The following PLCB1 variants were observed in gnomAD, a reference collection of about 807,000 sequenced individuals.
PLCB1 encodes the protein phospholipase C beta 1.
A neutral mutation model predicts 161.8 loss-of-function variants in PLCB1; 46 were observed. That is an observed-to-expected ratio of 0.28 (90% CI 0.22 to 0.36). PLCB1 has a LOEUF of 0.36. Among genes scored for constraint, PLCB1 ranks in the 10% least tolerant of loss-of-function variants. The pLI, the probability that PLCB1 is intolerant of heterozygous loss-of-function variation, is 1.00. For synonymous variants in PLCB1, 517 were observed against 503.7 expected (o/e 1.03, Z -0.35); for missense variants, 1,016 against 1,472.5 (o/e 0.69, Z 5.07).
At chr20:8,788,749 A>C in intron 29 of PLCB1, 27 bp downstream of exon 29, 1 of 1,397,332 alleles carries the variant, frequency 7.2e-7, no homozygotes, top group Non-Finnish European at 1.0e-6. Context: ...CCCTCTCCCA[A>C]ACAGTTCATC....
intron 31 of PLCB1, among the ~76,000 whole-genome samples, chr20:8,867,544 T>G (rs1048846969): frequency 3.9e-5 from 6 of 152,200 alleles, no homozygotes; most frequent in African/African-American, 1.4e-4. Flanking sequence ...CCGGAGGGCT[T>G]TTATTGATTT....
intron 9 of PLCB1, 92 bp from the exon 10 acceptor site, chr20:8,684,839 CT>C: frequency 1.1e-6 from 1 of 920,698 alleles, no homozygotes; most frequent in Non-Finnish European, 1.7e-6. Flanking sequence ...ACCTTGGACA[CT>C]ACAAGATATT....
At chr20:8,600,132 G>A (rs1419535463) in intron 3 of PLCB1, among the ~76,000 whole-genome samples, 37 of 129,124 alleles carry the variant, frequency 2.9e-4, no homozygotes, top group East Asian at 6.9e-4. Flanking sequence ...GCTTTGTTCC[G>A]TTGCTGGTGA....
chr20:8,410,954 C>A (rs931171986), intron 3 of PLCB1, among the ~76,000 whole-genome samples: 1 of 152,192 alleles, frequency 6.6e-6, no homozygotes. Context: ...CTGAAAGAGG[C>A]AGGGACCTGA....
At chr20:8,314,751 T>C (rs1256844376) in intron 2 of PLCB1, among the ~76,000 whole-genome samples, 2 of 152,156 alleles carry the variant, frequency 1.3e-5, no homozygotes, top group African/African-American at 4.8e-5. Context: ...TAAGATACAA[T>C]GTAACTCCTC....
intron 31 of PLCB1, among the ~76,000 whole-genome samples, chr20:8,849,689 T>G (rs912133135): frequency 1.5e-5 from 2 of 136,942 alleles, no homozygotes; most frequent in East Asian, 4.6e-4. Context: ...AAAATAAAAT[T>G]AAATTAAAAA....
intron 3 of PLCB1, among the ~76,000 whole-genome samples, chr20:8,604,459 A>G (rs1487434115): frequency 6.6e-6 from 1 of 152,104 alleles, no homozygotes; most frequent in Non-Finnish European, 1.5e-5. Flanking sequence ...ATATGATATG[A>G]TGCATTCTAA....
intron 15 of PLCB1, among the ~76,000 whole-genome samples, chr20:8,723,735 TG>T: frequency 6.6e-6 from 1 of 152,132 alleles, no homozygotes; most frequent in East Asian, 1.9e-4. Context: ...TGCCCAAGGT[TG>T]CCCGGTTTCT....
At chr20:8,142,815 A>G (rs1163728948) in intron 1 of PLCB1, among the ~76,000 whole-genome samples, 2 of 152,168 alleles carry the variant, frequency 1.3e-5, no homozygotes, top group South Asian at 2.1e-4. Flanking sequence ...CACCTACACT[A>G]TTCTTTGTGT....
chr20:8,813,430 A>C (rs1984929023), intron 31 of PLCB1, among the ~76,000 whole-genome samples: 1 of 152,190 alleles, frequency 6.6e-6, no homozygotes, highest in Non-Finnish European at 1.5e-5. Context: ...AGAATATCTT[A>C]CTGAGACCAG....
intron 2 of PLCB1, among the ~76,000 whole-genome samples, chr20:8,342,833 G>T (rs1436184104): frequency 6.6e-6 from 1 of 152,186 alleles, no homozygotes; most frequent in African/African-American, 2.4e-5. Flanking sequence ...AGAAATGTCT[G>T]CATTTTTCTG....
chr20:8,843,830 T>C (rs1241561212), intron 31 of PLCB1, among the ~76,000 whole-genome samples: 2 of 152,216 alleles, frequency 1.3e-5, no homozygotes, highest in Non-Finnish European at 2.9e-5. Context: ...GATTTTCTTT[T>C]CCATATTTGG....
chr20:8,689,502 C>G (rs939760279), intron 10 of PLCB1, among the ~76,000 whole-genome samples: 5 of 152,108 alleles, frequency 3.3e-5, no homozygotes, highest in Admixed American at 2.0e-4. Flanking sequence ...GCTTTTAATT[C>G]ATTAAGGTGT....
At chr20:8,661,194 C>T (rs2123329454) in intron 9 of PLCB1, among the ~76,000 whole-genome samples, 1 of 152,136 alleles carries the variant, frequency 6.6e-6, no homozygotes, top group South Asian at 2.1e-4. Context: ...TCTGTTTTCC[C>T]CAGCACCTAG....
chr20:8,531,884 A>G (rs1984830861), intron 3 of PLCB1, among the ~76,000 whole-genome samples: 1 of 150,228 alleles, frequency 6.7e-6, no homozygotes, highest in South Asian at 2.1e-4. Flanking sequence ...AAGCAGAAAT[A>G]ATTTTGTTTC....
chr20:8,833,776 T>C (rs1653899321), intron 31 of PLCB1, among the ~76,000 whole-genome samples: 1 of 152,256 alleles, frequency 6.6e-6, no homozygotes, highest in Non-Finnish European at 1.5e-5. Context: ...ATATAGCCGC[T>C]GTAAAAAACT....
chr20:8,466,326 G>A (rs1981819426), intron 3 of PLCB1, among the ~76,000 whole-genome samples: 1 of 143,434 alleles, frequency 7.0e-6, no homozygotes. Flanking sequence ...GACTGTTGTG[G>A]GGTGGGGGAG....
intron 2 of PLCB1, among the ~76,000 whole-genome samples, chr20:8,324,677 TTCTC>T (rs1985073526): frequency 6.6e-6 from 1 of 152,198 alleles, no homozygotes; most frequent in Non-Finnish European, 1.5e-5. Flanking sequence ...ACCATTAATG[TTCTC>T]TCATTTTTTT....
chr20:8,140,805 AT>A (rs201733549), intron 1 of PLCB1, among the ~76,000 whole-genome samples: 46 of 147,914 alleles, frequency 3.1e-4, no homozygotes, highest in South Asian at 4.3e-4. Flanking sequence ...TTATTTTTTT[AT>A]TTTTTTTTTT....
Sources: gnomAD v4.1 joint callset for allele counts (sites outside exome capture counted in the v4.1 genomes callset) on GRCh38, gnomAD v4.1.1 for gene constraint, MANE v1.5 for transcripts, NCBI Gene and HGNC (gene_info 2026-07-23, HGNC 2026-07-21) for gene names.